The following WDR19 variants were observed in gnomAD, a reference collection of about 807,000 sequenced individuals.
The protein encoded by WDR19 is WD repeat domain 19.
In WDR19, 121 loss-of-function variants were observed where a neutral mutation model predicts 180.0. The observed-to-expected ratio is 0.67, with a 90% CI of 0.58 to 0.78. The LOEUF (loss-of-function observed/expected upper bound fraction) is 0.78, where lower values mean the gene tolerates loss of function less well. WDR19 is among the 30% of genes least tolerant of loss of function. The pLI is 0.00. For missense variants in WDR19, 1,450 were observed against 1,640.7 expected (o/e 0.88, Z 2.01); for synonymous variants, 497 against 540.7 (o/e 0.92, Z 1.12).
At chr4:39,256,183 G>A (rs1281059608) in intron 27 of WDR19, among the ~76,000 whole-genome samples, 1 of 152,106 alleles carries the variant, frequency 6.6e-6, no homozygotes, top group Non-Finnish European at 1.5e-5. Flanking sequence ...TCTAACTACT[G>A]TCAGCTCAAT....
chr4:39,266,819 C>A (rs1241421927), intron 29 of WDR19, among the ~76,000 whole-genome samples: 1 of 152,216 alleles, frequency 6.6e-6, no homozygotes, highest in East Asian at 1.9e-4. Context: ...CGCGGTGTCT[C>A]ATGCCTGTAA....
At chr4:39,267,008 A>G (rs1734864373) in intron 29 of WDR19, among the ~76,000 whole-genome samples, 2 of 152,340 alleles carry the variant, frequency 1.3e-5, no homozygotes, top group Admixed American at 1.3e-4. Flanking sequence ...GCTTGAAGCC[A>G]GGAGGCAGAG....
At chr4:39,267,734 A>G (rs993846460) in intron 29 of WDR19, among the ~76,000 whole-genome samples, 1 of 152,174 alleles carries the variant, frequency 6.6e-6, no homozygotes, top group African/African-American at 2.4e-5. Flanking sequence ...TGAAATCGGG[A>G]TAACAATAGT....
chr4:39,223,403 A>T (rs1016378662), intron 14 of WDR19, among the ~76,000 whole-genome samples: 4 of 152,128 alleles, frequency 2.6e-5, no homozygotes, highest in African/African-American at 7.2e-5. Flanking sequence ...CGATCTCAGC[A>T]CACTGCAACC....
Position 39,276,872 on chromosome 4 carries a change from G to A in WDR19, c.3717-148G>A, listed in dbSNP as rs1022047323. 12 of 987,034 alleles carry A rather than the reference G, an allele frequency of 1.2e-5. No homozygotes were observed. The African/African-American group carries it at 1.8e-4, about 15-fold the overall frequency. The allele number at this position is 987,034 out of a possible 1,614,324, so 61.1% of individuals were successfully genotyped here. ...TCCCTGGAGTGGATCAAGGGCTGGT[G>A]TGAGCTTGTAAGTATCTCTCTAAGC... On this transcript the variant is annotated intron_variant, in intron 33 of 36. Transcript: ENST00000399820.
intron 20 of WDR19, among the ~76,000 whole-genome samples, chr4:39,236,835 T>C (rs781072008): frequency 6.6e-6 from 1 of 152,212 alleles, no homozygotes; most frequent in Non-Finnish European, 1.5e-5. Context: ...CTAGTGATCT[T>C]AATTGCTAGA....
intron 21 of WDR19, among the ~76,000 whole-genome samples, chr4:39,243,719 G>GA (rs1732208878): frequency 6.6e-6 from 1 of 152,160 alleles, no homozygotes; most frequent in South Asian, 2.1e-4. Flanking sequence ...TGTCATCACA[G>GA]AAAGTTTTAC....
At position 39,274,762 on chromosome 4, in the gene WDR19, G is replaced by T. The variant is rs1300153653; in HGVS notation, c.3566-46G>T. Reference sequence around the variant, plus strand: ...GTGGAATCCCGCCTGTATCACTGAGGACAGCAGACACTGTGCTGTTGCTGC... The same window carrying T: ...GTGGAATCCCGCCTGTATCACTGAGTACAGCAGACACTGTGCTGTTGCTGC... On this transcript the variant is annotated intron_variant, in intron 32 of 36. Transcript: ENST00000399820. 3.8e-6 allele frequency: 6 copies of T among 1,595,060 alleles called. No homozygotes were observed. In the African/African-American group the frequency reaches 6.7e-5, roughly 18 times the overall value.
In WDR19 at chr4:39,277,272, G is replaced by A; in HGVS notation, c.3840+129G>A. The stretch of plus-strand genomic sequence containing the variant: ...TCCCTCAAATTTCCTGCAACATCTA[G>A]CATTTTATTTCATAGTCAATACAGT... On this transcript the variant is annotated intron_variant, in intron 34 of 36. Transcript: ENST00000399820. The A allele has an allele frequency of 1.3e-5, 14 of 1,051,984 alleles. No homozygotes were observed. The South Asian group carries it at 2.3e-4, about 17-fold the overall frequency. 65.2% of individuals were successfully genotyped at this position (1,051,984 alleles called of 1,614,324 possible).
At chr4:39,263,312 G>T (rs79035244) in intron 28 of WDR19, among the ~76,000 whole-genome samples, 1 of 152,062 alleles carries the variant, frequency 6.6e-6, no homozygotes, top group African/African-American at 2.4e-5. Context: ...TAGAAGTCTC[G>T]TCTCAGTCTT....
At chr4:39,236,779 T>C (rs1731427864) in intron 20 of WDR19, among the ~76,000 whole-genome samples, 1 of 152,190 alleles carries the variant, frequency 6.6e-6, no homozygotes, top group Non-Finnish European at 1.5e-5. Flanking sequence ...CAAATCTCTC[T>C]TGCCTTTGGA....
At position 39,228,680 on chromosome 4, in the gene WDR19, A is replaced by G; in HGVS notation, c.1972A>G (p.Met658Val). 3.8e-6 allele frequency: 6 copies of G among 1,590,238 alleles called. No individual in the cohort carries two copies. Among genetic ancestry groups the G allele is most frequent in the Non-Finnish European group, 5.1e-6 (6 of 1,168,130 alleles). Reference sequence around the variant, plus strand: ...GAGACCAATGCTGGCACAGAATTTAATGCTAAAGAGGTAGGCTTTCACACA... The same window carrying G: ...GAGACCAATGCTGGCACAGAATTTAGTGCTAAAGAGGTAGGCTTTCACACA... ...ELRPMLAQNL[M>V]LKRFSDAWEM... Residue 658 changes from methionine to valine, a missense_variant, in exon 17 of 37, where the codon ATG becomes GTG. Transcript: ENST00000399820.
At chr4:39,190,210 G>A (rs994459385) in intron 4 of WDR19, among the ~76,000 whole-genome samples, 5 of 152,186 alleles carry the variant, frequency 3.3e-5, no homozygotes, top group Non-Finnish European at 7.3e-5. Flanking sequence ...TTCACAGCAA[G>A]TCATGCCAGA....
chr4:39,242,758 C>G lies in WDR19; in HGVS notation c.2422-1490C>G, dbSNP rs967249416. On this transcript the variant is annotated intron_variant, in intron 21 of 36. Coordinates refer to ENST00000399820, the MANE Select transcript of WDR19 (RefSeq NM_025132.4). Reference sequence around the variant, plus strand: ...TCCTGGCTCACTGCAACCTTTACCTCTTGGGTTCAAGTGATTCTCGTACCT... The same window carrying G: ...TCCTGGCTCACTGCAACCTTTACCTGTTGGGTTCAAGTGATTCTCGTACCT... 3.9e-5 allele frequency among the ~76,000 whole-genome samples: 6 copies of G among 152,320 alleles called. No homozygotes were observed. In the East Asian group the frequency reaches 1.2e-3, roughly 29 times the overall value.
chr4:39,250,757 G>A (rs142900955), intron 24 of WDR19, among the ~76,000 whole-genome samples: 51,370 of 151,720 alleles, frequency 0.34, 8,853 homozygotes, highest in African/African-American at 0.39. Context: ...CCCATTCACA[G>A]TTGCTTCAAA....
At chr4:39,253,414 C>G in intron 25 of WDR19, 122 bp downstream of exon 25, 1 of 1,161,686 alleles carries the variant, frequency 8.6e-7, no homozygotes, top group Middle Eastern at 2.4e-4. Context: ...TTTATCAGGT[C>G]TAAGCGTTTA....
chr4:39,247,636 T>A (rs1163766097), intron 24 of WDR19, among the ~76,000 whole-genome samples: 2 of 152,062 alleles, frequency 1.3e-5, no homozygotes, highest in African/African-American at 4.8e-5. Flanking sequence ...ATAACTAGAA[T>A]AACCAATGCA....
At chr4:39,240,679 C>A (rs541272030) in intron 21 of WDR19, among the ~76,000 whole-genome samples, 2 of 151,888 alleles carry the variant, frequency 1.3e-5, no homozygotes, top group African/African-American at 2.4e-5. Context: ...AGGCTGGACG[C>A]GGTGGCTCAC....
At chr4:39,182,898 G>A (rs1288483320) in intron 1 of WDR19, among the ~76,000 whole-genome samples, 1 of 152,170 alleles carries the variant, frequency 6.6e-6, no homozygotes. Flanking sequence ...GAAAGAACTG[G>A]TCGAGTTAAC....
Sources: gnomAD v4.1 joint callset for allele counts (sites outside exome capture counted in the v4.1 genomes callset) on GRCh38, gnomAD v4.1.1 for gene constraint, MANE v1.5 for transcripts, NCBI Gene and HGNC (gene_info 2026-07-23, HGNC 2026-07-21) for gene names.